The following MTUS2 variants were observed in gnomAD, a reference collection of about 807,000 sequenced individuals.
The protein encoded by MTUS2 is microtubule-associated tumor suppressor candidate 2.
Under a neutral mutation model 114.1 loss-of-function variants are expected in MTUS2, and 40 were observed. The ratio of observed to expected loss-of-function variants is 0.35; its 90% CI spans 0.27 to 0.46. MTUS2 has a LOEUF of 0.46. Ranked by LOEUF, MTUS2 falls within the 20% of genes least tolerant of loss-of-function variation. The pLI is 1.00. For missense variants in MTUS2, 1,679 were observed against 1,705.4 expected, an observed-to-expected ratio of 0.98 and a Z score of 0.27; for synonymous variants, 688 against 672.0, an observed-to-expected ratio of 1.02 and a Z score of -0.37.
chr13:28,821,958 A>G (rs933608310), intron 1 of MTUS2, among the ~76,000 whole-genome samples: 1 of 152,210 alleles, frequency 6.6e-6, no homozygotes, highest in African/African-American at 2.4e-5. Flanking sequence ...CATGTAGAAT[A>G]CTTACGGGAA....
intron 5 of MTUS2, among the ~76,000 whole-genome samples, chr13:29,191,957 A>G (rs1894468849): frequency 6.6e-6 from 1 of 152,202 alleles, no homozygotes; most frequent in Admixed American, 6.5e-5. Flanking sequence ...TGGTGACTAC[A>G]ATGCAGTGAG....
At chr13:29,499,174 A>G (rs1039933975) in intron 14 of MTUS2, among the ~76,000 whole-genome samples, 2 of 152,216 alleles carry the variant, frequency 1.3e-5, no homozygotes, top group Non-Finnish European at 2.9e-5. Context: ...CATTCAGTCC[A>G]GAACAGAGTC....
intron 2 of MTUS2, among the ~76,000 whole-genome samples, chr13:28,958,714 C>T (rs192699810): frequency 9.9e-5 from 15 of 152,228 alleles, no homozygotes; most frequent in African/African-American, 3.4e-4. Flanking sequence ...TTTAACATGA[C>T]AGCAAATGGA....
At position 28,944,683 on chromosome 13, in the gene MTUS2, T is replaced by C. The variant is rs551483875; in HGVS notation, c.-242-79774T>C. Reference sequence around the variant, plus strand: ...TGTGATGACTTAGTTCCTCTTTTTATATTTGAAAATTGGAACTCATCCTTG... The same window carrying C: ...TGTGATGACTTAGTTCCTCTTTTTACATTTGAAAATTGGAACTCATCCTTG... On this transcript the variant is annotated intron_variant, in intron 2 of 15. Coordinates refer to ENST00000612955, the MANE Select transcript of MTUS2 (RefSeq NM_001033602.4). 2.6e-5 allele frequency among the ~76,000 whole-genome samples: 4 copies of C among 152,336 alleles called. No homozygotes were observed. The East Asian group carries it at 7.7e-4, about 29-fold the overall frequency.
At chr13:28,960,836 G>A (rs1883293679) in intron 2 of MTUS2, among the ~76,000 whole-genome samples, 1 of 152,036 alleles carries the variant, frequency 6.6e-6, no homozygotes, top group South Asian at 2.1e-4. Context: ...TACTTCAAAA[G>A]GATGAATTCT....
intron 2 of MTUS2, among the ~76,000 whole-genome samples, chr13:28,942,077 G>A (rs1055167321): frequency 2.6e-5 from 4 of 152,130 alleles, no homozygotes; most frequent in Non-Finnish European, 4.4e-5. Context: ...TGATGAGAAG[G>A]TATTTGTAAT....
intron 2 of MTUS2, among the ~76,000 whole-genome samples, chr13:28,942,540 C>G (rs532793733): frequency 6.6e-6 from 1 of 152,320 alleles, no homozygotes; most frequent in African/African-American, 2.4e-5. Context: ...GTATTCCTAA[C>G]AGCTCCAAAC....
chr13:29,468,421 A>G (rs1477105782), intron 9 of MTUS2, among the ~76,000 whole-genome samples: 2 of 152,172 alleles, frequency 1.3e-5, no homozygotes, highest in Admixed American at 6.5e-5. Flanking sequence ...TCTACTAAAA[A>G]TACAAAAAGT....
Position 29,025,589 on chromosome 13 carries a change from G to A in MTUS2, c.891G>A (p.Leu297=), listed in dbSNP as rs1274321492. The change falls in exon 3 of 16, where the codon CTG becomes CTA. Residue 297 remains leucine (L), a synonymous_variant. Coordinates refer to ENST00000612955, the MANE Select transcript of MTUS2 (RefSeq NM_001033602.4). ...TLASKEIPSK[L]EAQLGQGKGE... is the part of the protein sequence containing the mutation. ...CATCGAAGGAAATCCCAAGTAAACTGGAAGCACAATTAGGTCAGGGAAAGG... is the reference window on the plus strand; with the variant it reads ...CATCGAAGGAAATCCCAAGTAAACTAGAAGCACAATTAGGTCAGGGAAAGG... 1.2e-6 allele frequency: 2 copies of A among 1,613,980 alleles called. No homozygotes were observed. The highest frequency in any genetic ancestry group is 2.2e-5 in the South Asian group (2 of 91,066).
intron 7 of MTUS2, among the ~76,000 whole-genome samples, chr13:29,358,396 G>A (rs764943841): frequency 6.6e-5 from 10 of 152,194 alleles, no homozygotes; most frequent in Non-Finnish European, 1.5e-4. Flanking sequence ...CCCAGGCAGA[G>A]CTCCTTGCCC....
At chr13:29,013,884 A>G (rs1182625965) in intron 2 of MTUS2, among the ~76,000 whole-genome samples, 1 of 152,186 alleles carries the variant, frequency 6.6e-6, no homozygotes, top group African/African-American at 2.4e-5. Flanking sequence ...TTACCATTAC[A>G]TGGTACTTCA....
At chr13:29,098,348 C>T (rs771224170) in intron 4 of MTUS2, among the ~76,000 whole-genome samples, 1 of 152,120 alleles carries the variant, frequency 6.6e-6, no homozygotes, top group Non-Finnish European at 1.5e-5. Context: ...AAGGAAAGAC[C>T]ATTATATAGT....
At chr13:29,280,351 C>T (rs1056517051) in intron 5 of MTUS2, among the ~76,000 whole-genome samples, 1 of 152,166 alleles carries the variant, frequency 6.6e-6, no homozygotes, top group Non-Finnish European at 1.5e-5. Flanking sequence ...CCTTGCACAG[C>T]ACTTTAAAAG....
chr13:28,950,964 A>C (rs1882780644), intron 2 of MTUS2, among the ~76,000 whole-genome samples: 2 of 152,220 alleles, frequency 1.3e-5, no homozygotes, highest in African/African-American at 4.8e-5. Flanking sequence ...ACTCAGTAAA[A>C]CAAGGTGTAC....
intron 2 of MTUS2, among the ~76,000 whole-genome samples, chr13:28,930,968 G>C (rs73161870): frequency 0.084 from 12,762 of 152,272 alleles, 600 homozygotes; most frequent in South Asian, 0.13. Flanking sequence ...TTAGAATAGT[G>C]GAGTGGGCAG....
At chr13:29,432,361 C>A (rs1458833371) in intron 8 of MTUS2, among the ~76,000 whole-genome samples, 1 of 152,134 alleles carries the variant, frequency 6.6e-6, no homozygotes, top group African/African-American at 2.4e-5. Context: ...AACTCCTTAT[C>A]CATAACCTTC....
chr13:29,297,997 T>C (rs112203860), intron 6 of MTUS2, among the ~76,000 whole-genome samples: 38 of 152,334 alleles, frequency 2.5e-4, no homozygotes, highest in African/African-American at 9.1e-4. Flanking sequence ...TGAAAAGTTT[T>C]TCTGCTGTTC....
chr13:29,326,081 A>G (rs750541465), intron 7 of MTUS2, among the ~76,000 whole-genome samples: 2 of 152,252 alleles, frequency 1.3e-5, no homozygotes, highest in Non-Finnish European at 2.9e-5. Flanking sequence ...AGGACCCTGC[A>G]TAAATCTGGA....
At chr13:29,223,272 A>G (rs752521708) in intron 5 of MTUS2, among the ~76,000 whole-genome samples, 1 of 152,138 alleles carries the variant, frequency 6.6e-6, no homozygotes, top group Non-Finnish European at 1.5e-5. Context: ...TCTGAAGCCC[A>G]TAAAATCCCT....
Sources: allele counts gnomAD v4.1 joint callset (sites outside exome capture counted in the v4.1 genomes callset), GRCh38; gene constraint gnomAD v4.1.1; transcripts MANE v1.5; gene names NCBI Gene and HGNC (gene_info 2026-07-23, HGNC 2026-07-21).